The following BRF2 variants were observed in gnomAD, a reference collection of about 807,000 sequenced individuals.
BRF2 encodes the protein BRF2 general transcription factor IIIB subunit.
Under a neutral mutation model 26.6 loss-of-function variants are expected in BRF2, and 17 were observed. That is an observed-to-expected ratio of 0.64 (90% CI 0.44 to 0.96). The LOEUF is 0.96. Ranked by LOEUF, BRF2 falls within the 40% of genes least tolerant of loss-of-function variation. The probability of loss-of-function intolerance (pLI) is 0.00; values close to 1 mark genes in which losing one functional copy is unlikely to be tolerated. For synonymous variants in BRF2, 219 were observed against 226.6 expected, an observed-to-expected ratio of 0.97 and a Z score of 0.30; for missense variants, 515 against 537.0, an observed-to-expected ratio of 0.96 and a Z score of 0.40.
chr8:37,846,042 G>A (rs1187034029), intron 3 of BRF2, among the ~76,000 whole-genome samples: 2 of 152,118 alleles, frequency 1.3e-5, no homozygotes, highest in South Asian at 2.1e-4. Context: ...GAAGGCAAAG[G>A]GGTTTGAAAA....
At chr8:37,847,719 G>A (rs952844296) in intron 2 of BRF2, among the ~76,000 whole-genome samples, 26 of 151,506 alleles carry the variant, frequency 1.7e-4, no homozygotes, top group Admixed American at 1.4e-3. Flanking sequence ...TAGTAGAGAC[G>A]GGGTTTCACC....
intron 3 of BRF2, among the ~76,000 whole-genome samples, 190 bp downstream of exon 3, chr8:37,846,664 G>A (rs946364367): frequency 6.6e-6 from 1 of 152,184 alleles, no homozygotes; most frequent in African/African-American, 2.4e-5. Flanking sequence ...CTACTCTGGA[G>A]GCTGAGGCAG....
intron 3 of BRF2, among the ~76,000 whole-genome samples, 156 bp downstream of exon 3, chr8:37,846,698 C>T (rs1201264517): frequency 6.6e-6 from 1 of 151,708 alleles, no homozygotes; most frequent in Non-Finnish European, 1.5e-5. Flanking sequence ...ACCCCGGAGG[C>T]GGAGGTTGCA....
chr8:37,847,926 C>CTTT lies in BRF2; in HGVS notation c.214+667_214+669dup, dbSNP rs201445307. Among the ~76,000 whole-genome samples, 780 of 132,122 alleles carry CTTT rather than the reference C, an allele frequency of 5.9e-3. 17 individuals carry two copies. The East Asian group carries it at 0.078, about 13-fold the overall frequency. 86.7% of individuals were successfully genotyped at this position (132,122 alleles called of 152,430 possible). On this transcript the variant is annotated intron_variant, in intron 2 of 3. Coordinates refer to ENST00000220659, the MANE Select transcript of BRF2 (RefSeq NM_018310.4). ...TGGGCTAGGCCACCAGGATAGTTTT[C>CTTT]TTTTATTATTATTATTATTATTATT...
At chr8:37,847,231 C>T (rs1429249258) in intron 2 of BRF2, 56 bp from the exon 3 acceptor site, 2 of 1,505,158 alleles carry the variant, frequency 1.3e-6, no homozygotes, top group African/African-American at 2.7e-5. Context: ...CGTGCAACTC[C>T]TAGAAAATTC....
rs767275696 is a variant in BRF2, at chr8:37,849,668, A to C, written c.116T>G (p.Val39Gly). ...CTCGTCGCTGAAGGTAGTGGTAAGGACCCCCTCGGTGACCACGCAGCCGCA... is the reference window on the plus strand; with the variant it reads ...CTCGTCGCTGAAGGTAGTGGTAAGGCCCCCCTCGGTGACCACGCAGCCGCA... ...SDCGCVVTEG[V>G]LTTTFSDEGN... The change falls in exon 1 of 4, where the codon GTC becomes GGC. Residue 39 changes from valine (V) to glycine (G), a missense_variant. By Grantham distance (109) the Val-to-Gly change is moderately radical. Coordinates refer to ENST00000220659, the MANE Select transcript of BRF2 (RefSeq NM_018310.4). The C allele has an allele frequency of 1.2e-6, 2 of 1,613,016 alleles. No homozygotes were observed. The highest frequency in any genetic ancestry group is 1.7e-6 in the Non-Finnish European group (2 of 1,179,806).
intron 2 of BRF2, 48 bp downstream of exon 2, chr8:37,848,547 TA>T (rs754057212): frequency 6.4e-7 from 1 of 1,563,232 alleles, no homozygotes; most frequent in South Asian, 1.1e-5. Flanking sequence ...GCACCTGGCC[TA>T]GGATAGTTTT....
In BRF2 at chr8:37,844,856, A is replaced by C. The variant is rs1805922957; in HGVS notation, c.894T>G (p.Gly298=). ...LDKRSVVKHI[G]DLLQHRQSLV... is the part of the protein sequence containing the mutation. Reference sequence around the variant, plus strand: ...GTGACTGGCGGTGCTGGAGAAGGTCACCGATGTGCTTCACCACAGACCGTT... The same window carrying C: ...GTGACTGGCGGTGCTGGAGAAGGTCCCCGATGTGCTTCACCACAGACCGTT... The change falls in exon 4 of 4, where the codon GGT becomes GGG. Residue 298 remains glycine (G), a synonymous_variant. Transcript: ENST00000220659. 6.2e-7 allele frequency: 1 copy of C among 1,614,156 alleles called. No individual in the cohort carries two copies. Among genetic ancestry groups the C allele is most frequent in the Non-Finnish European group, 8.5e-7 (1 of 1,180,030 alleles).
chr8:37,847,047 C>T lies in BRF2; in HGVS notation c.343G>A (p.Glu115Lys). ...AAGACGCAGCACCCAACCAACACCT[C>T]CTTCTTTTGCAGCCTGGCCGCTCGG... ...GIRAARLQKK[E>K]VLVGCCVLIT... Residue 115 changes from glutamate to lysine, a missense_variant, in exon 3 of 4, where the codon GAG (glutamate) becomes AAG (lysine). Transcript: ENST00000220659. The T allele has an allele frequency of 1.2e-6, 2 of 1,614,240 alleles. No homozygotes were observed. The highest frequency in any genetic ancestry group is 1.7e-6 in the Non-Finnish European group (2 of 1,180,042).
Position 37,844,371 on chromosome 8 carries a change from T to G in BRF2, c.*119A>C, listed in dbSNP as rs188269073. Reference sequence around the variant, plus strand: ...GGTCCAACTAATGGCAGAGCCCCTCTTGGTTCCTTCAAACAAGAAAAGCAA... The same window carrying G: ...GGTCCAACTAATGGCAGAGCCCCTCGTGGTTCCTTCAAACAAGAAAAGCAA... On this transcript the variant is annotated 3_prime_UTR_variant, in exon 4 of 4. Transcript: ENST00000220659. The G allele has an allele frequency of 7.7e-5, 105 of 1,372,150 alleles. 1 individual carries two copies. The highest frequency in any genetic ancestry group is 5.7e-4 in the Admixed American group (27 of 47,666). 85.0% of individuals were successfully genotyped at this position (1,372,150 alleles called of 1,614,324 possible). A position where few individuals can be genotyped will look rare whatever the true frequency, so the allele number is the denominator to read the frequency against.
chr8:37,846,782 G>A lies in BRF2; in HGVS notation c.536+72C>T. On this transcript the variant is annotated intron_variant, in intron 3 of 3. Transcript: ENST00000220659. The stretch of plus-strand genomic sequence containing the variant: ...GACTCCAAGAAAAAAAAAAAGAGAT[G>A]GCCAAAGGTCAAAGGATTCAGGTCT... The A allele has an allele frequency of 2.8e-6, 3 of 1,087,894 alleles. No homozygotes were observed. The African/African-American group carries it at 4.7e-5, about 17-fold the overall frequency. 67.4% of individuals were successfully genotyped at this position (1,087,894 alleles called of 1,614,324 possible).
At chr8:37,845,294 A>G in intron 3 of BRF2, 81 bp from the exon 4 acceptor site, 1 of 1,102,922 alleles carries the variant, frequency 9.1e-7, no homozygotes. Flanking sequence ...CCCACTCAAG[A>G]TGGGGAAGCT....
At chr8:37,848,110 C>T (rs1163251818) in intron 2 of BRF2, among the ~76,000 whole-genome samples, 2 of 150,998 alleles carry the variant, frequency 1.3e-5, no homozygotes, top group Admixed American at 6.6e-5. Context: ...CCATCACGCC[C>T]GGCTAATTTT....
chr8:37,847,297 A>G, intron 2 of BRF2, 122 bp from the exon 3 acceptor site: 1 of 806,274 alleles, frequency 1.2e-6, no homozygotes, highest in Non-Finnish European at 2.1e-6. Flanking sequence ...TGCACAAATT[A>G]TGTACCTTTC....
At chr8:37,845,821 C>A in intron 3 of BRF2, 2 of 609,322 alleles carry the variant, frequency 3.3e-6, no homozygotes. Flanking sequence ...AAAGACTTAG[C>A]TTCTAAGCCC....
At position 37,849,728 on chromosome 8, in the gene BRF2, G is replaced by C. The variant is rs111984878; in HGVS notation, c.56C>G (p.Ser19Trp). ...DCGSTELVED[S>W]HYSQSQLVCS... ...CACCAGCTGGCTCTGCGAATAGTGC[G>C]AGTCTTCCACCAGCTCCGTGGAGCC... Residue 19 changes from serine to tryptophan, a missense_variant, in exon 1 of 4, where the codon TCG becomes TGG. Transcript: ENST00000220659. 1.1e-5 allele frequency: 18 copies of C among 1,613,538 alleles called. No individual in the cohort carries two copies. In the African/African-American group the frequency reaches 1.5e-4, roughly 13 times the overall value.
chr8:37,846,247 C>G (rs1306330292), intron 3 of BRF2, among the ~76,000 whole-genome samples: 1 of 151,844 alleles, frequency 6.6e-6, no homozygotes, highest in East Asian at 1.9e-4. Flanking sequence ...ACTTGGGAGG[C>G]TGAGGCACAA....
Position 37,844,976 on chromosome 8 carries a change from C to T in BRF2, c.774G>A (p.Leu258=). Residue 258 remains leucine, a synonymous_variant, in exon 4 of 4, where the codon CTG becomes CTA. Transcript: ENST00000220659. ...ARFCKLANVD[L]PYPASSRLQE... The stretch of plus-strand genomic sequence containing the variant: ...GCAGGCGGGAGGACGCCGGGTAGGG[C>T]AGGTCCACATTTGCCAATTTACAAA... 6.2e-7 allele frequency: 1 copy of T among 1,614,006 alleles called. No individual in the cohort carries two copies. The highest frequency in any genetic ancestry group is 8.5e-7 in the Non-Finnish European group (1 of 1,180,016).
intron 2 of BRF2, among the ~76,000 whole-genome samples, chr8:37,848,115 A>G (rs1406644107): frequency 6.7e-6 from 1 of 150,126 alleles, no homozygotes; most frequent in East Asian, 2.0e-4. Context: ...ACGCCCGGCT[A>G]ATTTTTTTGT....
Sources: gnomAD v4.1 joint callset for allele counts (sites outside exome capture counted in the v4.1 genomes callset) on GRCh38, gnomAD v4.1.1 for gene constraint, MANE v1.5 for transcripts, NCBI Gene and HGNC (gene_info 2026-07-23, HGNC 2026-07-21) for gene names.